CRLF3: variants seen among roughly 807,000 people sequenced by gnomAD.
CRLF3 encodes the protein cytokine receptor like factor 3.
In CRLF3, 33 loss-of-function variants were observed where a neutral mutation model predicts 55.0. That is an observed-to-expected ratio of 0.60 (90% CI 0.46 to 0.80). The LOEUF (loss-of-function observed/expected upper bound fraction) is 0.80, where lower values mean the gene tolerates loss of function less well. CRLF3 is among the 30% of genes least tolerant of loss of function. The pLI, the probability that CRLF3 is intolerant of heterozygous loss-of-function variation, is 0.00. For synonymous variants in CRLF3, 238 were observed against 196.8 expected (o/e 1.21, Z -1.75); for missense variants, 494 against 538.4 (o/e 0.92, Z 0.82).
At position 30,793,449 on chromosome 17, in the gene CRLF3, C is replaced by A; in HGVS notation, c.826+1G>T. On this transcript the variant is annotated splice_donor_variant, in intron 5 of 7. Coordinates refer to ENST00000324238, the MANE Select transcript of CRLF3 (RefSeq NM_015986.4). LOFTEE classifies it high-confidence loss of function. ...CAGGAGAGAAAAGGTTAGCAGCATACCATGAGGCACCAATGTGGAATGACC... is the reference window on the plus strand; with the variant it reads ...CAGGAGAGAAAAGGTTAGCAGCATAACATGAGGCACCAATGTGGAATGACC... The A allele has an allele frequency of 1.2e-6, 2 of 1,612,316 alleles. No individual in the cohort carries two copies. The highest frequency in any genetic ancestry group is 1.7e-6 in the Non-Finnish European group (2 of 1,178,450).
rs2142261967 is a variant in CRLF3, at chr17:30,803,336, T to C, written c.337+565A>G. 3.3e-5 allele frequency among the ~76,000 whole-genome samples: 5 copies of C among 152,272 alleles called. No homozygotes were observed. The Middle Eastern group carries it at 0.01, about 311-fold the overall frequency. ...TTATTCTTTCTTGTTTTATAACTAA[T>C]TATAACTAACACTTCAACTGCACTT... On this transcript the variant is annotated intron_variant, in intron 2 of 7. Transcript: ENST00000324238.
intron 6 of CRLF3, chr17:30,787,495 C>T (rs1597912428): frequency 6.7e-6 from 1 of 150,280 alleles, no homozygotes; most frequent in Admixed American, 6.7e-5. Context: ...TATTGCCAGA[C>T]ACATCATTCT....
intron 1 of CRLF3, among the ~76,000 whole-genome samples, chr17:30,807,340 A>T (rs1904438154): frequency 6.6e-6 from 1 of 151,970 alleles, no homozygotes; most frequent in Non-Finnish European, 1.5e-5. Context: ...ATAGAGATTT[A>T]AAAACTTTCT....
chr17:30,785,889 C>G, intron 7 of CRLF3, 30 bp downstream of exon 7: 1 of 1,133,236 alleles, frequency 8.8e-7, no homozygotes, highest in Non-Finnish European at 1.3e-6. Flanking sequence ...TAATATATTT[C>G]CAAGAGAATG....
chr17:30,813,952 C>T (rs942770059), intron 1 of CRLF3, among the ~76,000 whole-genome samples: 8 of 152,054 alleles, frequency 5.3e-5, no homozygotes, highest in African/African-American at 1.2e-4. Flanking sequence ...TCACTGATAG[C>T]CCTCAATAAT....
At chr17:30,818,822 GTT>G (rs57612738) in intron 1 of CRLF3, among the ~76,000 whole-genome samples, 3 of 131,610 alleles carry the variant, frequency 2.3e-5, no homozygotes, top group Admixed American at 7.6e-5. Flanking sequence ...ACTTTTGAGT[GTT>G]TTTTTTTTTT....
intron 1 of CRLF3, among the ~76,000 whole-genome samples, chr17:30,824,218 C>T (rs1317161094): frequency 6.6e-6 from 1 of 151,726 alleles, no homozygotes; most frequent in Admixed American, 6.6e-5. Flanking sequence ...CCCGCATGAC[C>T]CCCTCGGATT....
At chr17:30,806,797 C>G (rs573346801) in intron 1 of CRLF3, among the ~76,000 whole-genome samples, 1 of 152,272 alleles carries the variant, frequency 6.6e-6, no homozygotes, top group African/African-American at 2.4e-5. Context: ...CCACACTTGG[C>G]TAATTTTATT....
chr17:30,801,844 G>A (rs1041587483), intron 2 of CRLF3, among the ~76,000 whole-genome samples: 9 of 151,856 alleles, frequency 5.9e-5, no homozygotes, highest in Admixed American at 4.6e-4. Flanking sequence ...TCACTCTGCT[G>A]CTTAAAATGC....
Position 30,823,736 on chromosome 17 carries a change from C to T in CRLF3, c.129+787G>A, listed in dbSNP as rs535928689. On this transcript the variant is annotated intron_variant, in intron 1 of 7. Transcript: ENST00000324238. ...TATGGCTTTCCTGTATCTTTGATAA[C>T]TCTTGCCCTGTGAAACAGATAACTG... 1.4e-3 allele frequency among the ~76,000 whole-genome samples: 211 copies of T among 152,166 alleles called. 1 individual carries two copies. Among genetic ancestry groups the T allele is most frequent in the Middle Eastern group, 0.01 (3 of 294 alleles).
intron 6 of CRLF3, among the ~76,000 whole-genome samples, chr17:30,790,378 A>G (rs1450579838): frequency 1.3e-5 from 2 of 152,192 alleles, no homozygotes; most frequent in African/African-American, 4.8e-5. Flanking sequence ...AAACATGACT[A>G]TAAAGAATAC....
chr17:30,785,367 G>A (rs1293332405), intron 7 of CRLF3, among the ~76,000 whole-genome samples: 16 of 151,866 alleles, frequency 1.1e-4, no homozygotes, highest in Admixed American at 9.8e-4. Flanking sequence ...GATCCACCGC[G>A]CCCGGCCTCT....
chr17:30,816,487 TC>T (rs1173687874), intron 1 of CRLF3, among the ~76,000 whole-genome samples: 1 of 146,390 alleles, frequency 6.8e-6, no homozygotes, highest in Non-Finnish European at 1.5e-5. Context: ...CTTCTTTCTT[TC>T]TTTTTTTTTT....
chr17:30,785,906 AT>A lies in CRLF3; in HGVS notation c.1072+12del. On this transcript the variant is annotated intron_variant, in intron 7 of 7. Coordinates refer to ENST00000324238, the MANE Select transcript of CRLF3 (RefSeq NM_015986.4). ...ATATATTTCCAAGAGAATGACAGTT[AT>A]TTATCTCTTACCATTTGTACTAATG... The A allele has an allele frequency of 7.4e-7, 1 of 1,342,616 alleles. No homozygotes were observed. Among genetic ancestry groups the A allele is most frequent in the Non-Finnish European group, 1.1e-6 (1 of 938,618 alleles). The allele number at this position is 1,342,616 out of a possible 1,614,324, so 83.2% of individuals were successfully genotyped here.
chr17:30,798,384 C>CA (rs34844980), intron 2 of CRLF3, among the ~76,000 whole-genome samples: 9 of 145,178 alleles, frequency 6.2e-5, no homozygotes, highest in African/African-American at 1.0e-4. Context: ...TCCCCCCCGC[C>CA]AAAAAAAAAA....
At chr17:30,792,777 C>A (rs957669809) in intron 5 of CRLF3, 2 of 448,964 alleles carry the variant, frequency 4.5e-6, no homozygotes, top group Non-Finnish European at 8.0e-6. Flanking sequence ...ATAATTTTGA[C>A]ATAATAAATC....
At position 30,793,462 on chromosome 17, in the gene CRLF3, A is replaced by G; in HGVS notation, c.814T>C (p.Leu272=). The change falls in exon 5 of 8, where the codon TTG becomes CTG. Residue 272 remains leucine, a synonymous_variant. Transcript: ENST00000324238. ...WSVPQIGHST[L]VPHEWTAGFE... ...GTTAGCAGCATACCATGAGGCACCA[A>G]TGTGGAATGACCTATCTGGGGGACA... The G allele has an allele frequency of 1.2e-6, 2 of 1,613,776 alleles. No individual in the cohort carries two copies. The highest frequency in any genetic ancestry group is 8.5e-7 in the Non-Finnish European group (1 of 1,179,720).
chr17:30,797,442 A>G, intron 2 of CRLF3, 44 bp from the exon 3 acceptor site: 1 of 1,481,824 alleles, frequency 6.7e-7, no homozygotes, highest in Non-Finnish European at 9.4e-7. Context: ...AAATGGTCAC[A>G]TATAAAGTAA....
chr17:30,792,089 C>T (rs1370073995), intron 6 of CRLF3, among the ~76,000 whole-genome samples: 1 of 152,136 alleles, frequency 6.6e-6, no homozygotes, highest in Non-Finnish European at 1.5e-5. Flanking sequence ...CTCAGGTGAT[C>T]CACCTGCCTC....
Sources: gnomAD v4.1 joint callset for allele counts (sites outside exome capture counted in the v4.1 genomes callset) on GRCh38, gnomAD v4.1.1 for gene constraint, MANE v1.5 for transcripts, NCBI Gene and HGNC (gene_info 2026-07-23, HGNC 2026-07-21) for gene names.